GNB1L: variants seen among roughly 807,000 people sequenced by gnomAD.
GNB1L encodes G protein subunit beta 1 like.
A neutral mutation model predicts 29.1 loss-of-function variants in GNB1L; 20 were observed. That is an observed-to-expected ratio of 0.69 (90% CI 0.48 to 1.00). The LOEUF (loss-of-function observed/expected upper bound fraction) is 1.00, where lower values mean the gene tolerates loss of function less well. Among genes scored for constraint, GNB1L ranks in the 50% least tolerant of loss-of-function variants. GNB1L has a pLI of 0.00. For missense variants in GNB1L, 421 were observed against 464.9 expected (o/e 0.91, Z 0.87); for synonymous variants, 193 against 206.5 (o/e 0.93, Z 0.56).
chr22:19,845,778 T>C (rs1937947193), intron 2 of GNB1L, among the ~76,000 whole-genome samples: 1 of 152,186 alleles, frequency 6.6e-6, no homozygotes, highest in Non-Finnish European at 1.5e-5. Flanking sequence ...CCCCGAGGCC[T>C]GCACCAGGAG....
intron 2 of GNB1L, among the ~76,000 whole-genome samples, chr22:19,844,219 G>T (rs1029825521): frequency 6.6e-6 from 1 of 152,230 alleles, no homozygotes; most frequent in Non-Finnish European, 1.5e-5. Flanking sequence ...TTTTGCTGGG[G>T]ACACGCCCAA....
chr22:19,809,503 A>G (rs1937474544), intron 5 of GNB1L, among the ~76,000 whole-genome samples: 2 of 152,214 alleles, frequency 1.3e-5, no homozygotes, highest in African/African-American at 4.8e-5. Context: ...TGTCCTTGCA[A>G]TAAGGCAAGG....
In GNB1L at chr22:19,784,017, C is replaced by G. The variant is rs1026097381; in HGVS notation, c.*4692G>C. The G allele has an allele frequency of 6.6e-6, 1 of 152,290 alleles. No individual in the cohort carries two copies. The highest frequency in any genetic ancestry group is 2.4e-5 in the African/African-American group (1 of 41,462). 9.4% of individuals were successfully genotyped at this position (152,290 alleles called of 1,614,324 possible). A position where few individuals can be genotyped will look rare whatever the true frequency, so the allele number is the denominator to read the frequency against. On this transcript the variant is annotated 3_prime_UTR_variant, in exon 8 of 8. Transcript: ENST00000329517. ...GGGACCGTGCAGCAGCTGTGCCCAC[C>G]TAGGACCACAGGGCTGGTGGGGCTG...
chr22:19,841,633 C>T lies in GNB1L; in HGVS notation c.-21+12810G>A, dbSNP rs931453406. Among the ~76,000 whole-genome samples the T allele has an allele frequency of 2.0e-5, 3 of 152,172 alleles. No homozygotes were observed. The East Asian group carries it at 5.8e-4, about 29-fold the overall frequency. The stretch of plus-strand genomic sequence containing the variant: ...CTGCAGCCTAGCCTAAAGAGACCTG[C>T]CTCTAAAATAAACAAACAAAACAGA... On this transcript the variant is annotated intron_variant, in intron 2 of 7. Transcript: ENST00000329517.
intron 5 of GNB1L, 65 bp from the exon 6 acceptor site, chr22:19,806,822 A>T: frequency 6.1e-6 from 7 of 1,140,676 alleles, no homozygotes; most frequent in Non-Finnish European, 9.2e-6. Context: ...TACAAACAAG[A>T]GACTCTTAAG....
chr22:19,790,500 A>T (rs1244533894), intron 7 of GNB1L, among the ~76,000 whole-genome samples: 1 of 152,178 alleles, frequency 6.6e-6, no homozygotes, highest in East Asian at 1.9e-4. Flanking sequence ...AGCTGCATAA[A>T]GTAAAAAAAA....
chr22:19,792,729 T>G, intron 7 of GNB1L: 7 of 1,508,218 alleles, frequency 4.6e-6, no homozygotes, highest in Non-Finnish European at 6.4e-6. Flanking sequence ...CGTCACCACC[T>G]TGGTGGAGAA....
intron 5 of GNB1L, among the ~76,000 whole-genome samples, chr22:19,808,991 GGA>G (rs1937467543): frequency 6.6e-6 from 1 of 152,098 alleles, no homozygotes; most frequent in Admixed American, 6.5e-5. Context: ...AAATGATACG[GGA>G]GAGGGGCAGG....
chr22:19,825,161 G>A (rs559608210), intron 2 of GNB1L, among the ~76,000 whole-genome samples: 99 of 152,298 alleles, frequency 6.5e-4, no homozygotes, highest in Non-Finnish European at 1.1e-3. Flanking sequence ...AGGACCCTCT[G>A]CCCCACTGCA....
chr22:19,797,545 C>T (rs1481334045), intron 7 of GNB1L, among the ~76,000 whole-genome samples: 2 of 152,140 alleles, frequency 1.3e-5, no homozygotes, highest in African/African-American at 4.8e-5. Flanking sequence ...AGATTCTTTC[C>T]CCAGGAGGGG....
intron 2 of GNB1L, chr22:19,851,787 C>A (rs1341342149): frequency 6.2e-7 from 1 of 1,613,660 alleles, no homozygotes; most frequent in Admixed American, 1.7e-5. Context: ...AGGTCCCCAT[C>A]AAGGTAGGGG....
rs1937210767 is a variant in GNB1L, at chr22:19,788,352, G to A, written c.*357C>T. The stretch of plus-strand genomic sequence containing the variant: ...AGCATCCTGCCTGGTGGGGGTCTGA[G>A]GGCACTGATGCTAAGTGGGGGACCA... On this transcript the variant is annotated 3_prime_UTR_variant, in exon 8 of 8. Transcript: ENST00000329517. 4 of 575,408 alleles carry A rather than the reference G, an allele frequency of 7.0e-6. No individual in the cohort carries two copies. The highest frequency in any genetic ancestry group is 6.5e-5 in the South Asian group (3 of 46,284). 35.6% of individuals were successfully genotyped at this position (575,408 alleles called of 1,614,324 possible).
rs867141271 is a variant in GNB1L at position 19,800,534 on chromosome 22, T to A, written c.732+1467A>T. Among the ~76,000 whole-genome samples the A allele has an allele frequency of 3.3e-5, 5 of 152,132 alleles. No homozygotes were observed. In the South Asian group the frequency reaches 1.0e-3, roughly 32 times the overall value. ...ACCCAGCACCCAGAGTGGCTCTGCC[T>A]CCCAGCGCCCAGAGCAGCTCAGCTT... On this transcript the variant is annotated intron_variant, in intron 7 of 7. Coordinates refer to ENST00000329517, the MANE Select transcript of GNB1L (RefSeq NM_053004.3).
intron 2 of GNB1L, chr22:19,852,580 T>G: frequency 6.3e-6 from 2 of 317,738 alleles, no homozygotes; most frequent in Non-Finnish European, 1.2e-5. Flanking sequence ...AACCCTCTGG[T>G]ACCCAACTAG....
rs1601313754 is a variant in GNB1L at position 19,786,126 on chromosome 22, G to A, written c.*2583C>T. ...AAGGCCTCAGAAGCTGGATCTGCCT[G>A]GCAAGGGGGGCCCTATCTGCCTAGC... On this transcript the variant is annotated 3_prime_UTR_variant, in exon 8 of 8. Coordinates refer to ENST00000329517, the MANE Select transcript of GNB1L (RefSeq NM_053004.3). 1 of 152,330 alleles carries A rather than the reference G, an allele frequency of 6.6e-6. No homozygotes were observed. Among genetic ancestry groups the A allele is most frequent in the South Asian group, 2.1e-4 (1 of 4,830 alleles). 9.4% of individuals were successfully genotyped at this position (152,330 alleles called of 1,614,324 possible).
At chr22:19,791,659 A>G (rs1937254692) in intron 7 of GNB1L, among the ~76,000 whole-genome samples, 1 of 152,208 alleles carries the variant, frequency 6.6e-6, no homozygotes, top group Non-Finnish European at 1.5e-5. Flanking sequence ...TGGACTGCGC[A>G]TGCTCACGGT....
chr22:19,833,764 G>C (rs1199011298), intron 2 of GNB1L, among the ~76,000 whole-genome samples: 1 of 152,080 alleles, frequency 6.6e-6, no homozygotes, highest in Non-Finnish European at 1.5e-5. Flanking sequence ...TACTTGGGAG[G>C]CTGAGGCAGG....
chr22:19,798,314 G>A (rs1018626217), intron 7 of GNB1L, among the ~76,000 whole-genome samples: 2 of 152,228 alleles, frequency 1.3e-5, no homozygotes, highest in Admixed American at 6.5e-5. Context: ...GTGGCCCAGG[G>A]AAGGAACTGG....
At chr22:19,834,248 A>G (rs895336349) in intron 2 of GNB1L, among the ~76,000 whole-genome samples, 1 of 152,148 alleles carries the variant, frequency 6.6e-6, no homozygotes, top group Non-Finnish European at 1.5e-5. Flanking sequence ...GGAGGCCAGA[A>G]GGGTGGAACA....
Sources: gnomAD v4.1 joint callset for allele counts (sites outside exome capture counted in the v4.1 genomes callset) on GRCh38, gnomAD v4.1.1 for gene constraint, MANE v1.5 for transcripts, NCBI Gene and HGNC (gene_info 2026-07-23, HGNC 2026-07-21) for gene names.